Variants in R3HCC1L observed in about 807,000 individuals in gnomAD.
The protein encoded by R3HCC1L is R3H domain and coiled-coil containing 1 like.
In R3HCC1L, 51 loss-of-function variants were observed where a neutral mutation model predicts 59.9. The observed-to-expected ratio is 0.85, with a 90% confidence interval of 0.68 to 1.07. The LOEUF (loss-of-function observed/expected upper bound fraction) is 1.07, where lower values mean the gene tolerates loss of function less well. R3HCC1L is among the 50% of genes least tolerant of loss of function. The pLI is 0.00. For missense variants in R3HCC1L, 965 were observed against 933.0 expected (o/e 1.03, Z -0.45); for synonymous variants, 322 against 315.2 (o/e 1.02, Z -0.23).
At chr10:98,199,781 ATATG>A (rs1564682044) in intron 4 of R3HCC1L, among the ~76,000 whole-genome samples, 1 of 152,030 alleles carries the variant, frequency 6.6e-6, no homozygotes, top group Non-Finnish European at 1.5e-5. Flanking sequence ...ACATTTTACT[ATATG>A]TATATCATTT....
At chr10:98,222,356 T>C (rs1855099602) in intron 5 of R3HCC1L, among the ~76,000 whole-genome samples, 2 of 151,960 alleles carry the variant, frequency 1.3e-5, no homozygotes, top group African/African-American at 4.8e-5. Context: ...CTTTTCCTAA[T>C]TGAATACCCT....
chr10:98,166,453 C>T (rs1386642285), intron 4 of R3HCC1L, among the ~76,000 whole-genome samples: 6 of 152,156 alleles, frequency 3.9e-5, no homozygotes, highest in Non-Finnish European at 8.8e-5. Context: ...TTTGCGTCTT[C>T]ACATGTTGAG....
chr10:98,204,127 G>A (rs1852355775), intron 4 of R3HCC1L, among the ~76,000 whole-genome samples: 1 of 152,166 alleles, frequency 6.6e-6, no homozygotes, highest in African/African-American at 2.4e-5. Context: ...GAAAATAATC[G>A]GCCCAGCACG....
chr10:98,180,950 T>C (rs1281874331), intron 4 of R3HCC1L, among the ~76,000 whole-genome samples: 2 of 152,218 alleles, frequency 1.3e-5, no homozygotes, highest in Admixed American at 1.3e-4. Context: ...TGTCTCCGCA[T>C]GTGAGTTGGG....
chr10:98,165,958 G>C (rs939106937), intron 4 of R3HCC1L, among the ~76,000 whole-genome samples: 5 of 152,186 alleles, frequency 3.3e-5, no homozygotes, highest in Admixed American at 1.3e-4. Flanking sequence ...GCTCACCTGA[G>C]GTCAGGAGTT....
intron 6 of R3HCC1L, among the ~76,000 whole-genome samples, chr10:98,233,037 A>T (rs1222136617): frequency 6.6e-6 from 1 of 152,136 alleles, no homozygotes; most frequent in East Asian, 1.9e-4. Context: ...GGTCAGTCTT[A>T]CTTACTAGAA....
At chr10:98,153,721 A>G (rs1846523856) in intron 1 of R3HCC1L, among the ~76,000 whole-genome samples, 1 of 152,092 alleles carries the variant, frequency 6.6e-6, no homozygotes, top group African/African-American at 2.4e-5. Context: ...ATAAGATACC[A>G]AATTATAAAC....
At chr10:98,166,263 A>G (rs1367083506) in intron 4 of R3HCC1L, among the ~76,000 whole-genome samples, 2 of 152,062 alleles carry the variant, frequency 1.3e-5, no homozygotes, top group East Asian at 3.8e-4. Flanking sequence ...ACCTACTGCA[A>G]CCTGGAAGAG....
In R3HCC1L at chr10:98,153,627, AAAAAG is replaced by A. The variant is rs1279353531; in HGVS notation, c.-267-2463_-267-2459del. The stretch of plus-strand genomic sequence containing the variant: ...GATCAATTAAAAAAAAAAAAAAAAA[AAAAAG>A]AAGTTTAGACACAACAGCTGACCAG... On this transcript the variant is annotated intron_variant, in intron 1 of 9. Transcript: ENST00000298999. Among the ~76,000 whole-genome samples, 515 of 151,382 alleles carry A rather than the reference AAAAAG, an allele frequency of 3.4e-3. 4 individuals are homozygous for A. Among genetic ancestry groups the A allele is most frequent in the African/African-American group, 0.011 (464 of 41,250 alleles).
chr10:98,199,720 T>C (rs1014510018), intron 4 of R3HCC1L, among the ~76,000 whole-genome samples: 3 of 151,988 alleles, frequency 2.0e-5, no homozygotes, highest in African/African-American at 7.2e-5. Flanking sequence ...AGACAAGATT[T>C]ATTAGTTATT....
intron 1 of R3HCC1L, among the ~76,000 whole-genome samples, chr10:98,141,017 G>GT (rs796619101): frequency 1.1e-3 from 161 of 148,794 alleles, no homozygotes; most frequent in African/African-American, 3.2e-3. Context: ...CATTTTTCAT[G>GT]TTTTTTTTTT....
chr10:98,197,148 C>A (rs1851522983), intron 4 of R3HCC1L, among the ~76,000 whole-genome samples: 1 of 152,082 alleles, frequency 6.6e-6, no homozygotes, highest in African/African-American at 2.4e-5. Flanking sequence ...AGAGGTTTCA[C>A]CATGTTGGCC....
intron 2 of R3HCC1L, among the ~76,000 whole-genome samples, 189 bp from the exon 3 acceptor site, chr10:98,162,694 G>C (rs202203872): frequency 1.1e-4 from 16 of 151,408 alleles, no homozygotes; most frequent in African/African-American, 2.7e-4. Context: ...GTGTGTGTGT[G>C]TCTCTGTGTG....
chr10:98,241,451 T>C (rs1857525365), intron 9 of R3HCC1L, among the ~76,000 whole-genome samples: 1 of 152,220 alleles, frequency 6.6e-6, no homozygotes, highest in Non-Finnish European at 1.5e-5. Context: ...TTGATTGATT[T>C]ATTATATTGG....
intron 5 of R3HCC1L, among the ~76,000 whole-genome samples, chr10:98,221,278 A>AT (rs1854908205): frequency 6.6e-6 from 1 of 151,654 alleles, no homozygotes; most frequent in Non-Finnish European, 1.5e-5. Flanking sequence ...TCTGGATATT[A>AT]GCCCTTTGTC....
At chr10:98,153,903 T>G (rs1027111403) in intron 1 of R3HCC1L, among the ~76,000 whole-genome samples, 2 of 152,084 alleles carry the variant, frequency 1.3e-5, no homozygotes, top group African/African-American at 4.8e-5. Flanking sequence ...TCTATTATTT[T>G]CCAAAGACAC....
intron 9 of R3HCC1L, among the ~76,000 whole-genome samples, chr10:98,236,784 T>TA (rs1857012066): frequency 6.6e-6 from 1 of 152,176 alleles, no homozygotes; most frequent in Non-Finnish European, 1.5e-5. Flanking sequence ...GAGCTGAAGT[T>TA]AAAATCTCTC....
intron 1 of R3HCC1L, among the ~76,000 whole-genome samples, chr10:98,146,484 C>T (rs912538946): frequency 1.3e-5 from 2 of 152,154 alleles, no homozygotes; most frequent in African/African-American, 4.8e-5. Flanking sequence ...CCCTTCTTGG[C>T]TTCTGGTACC....
intron 4 of R3HCC1L, among the ~76,000 whole-genome samples, chr10:98,207,148 C>T (rs190921997): frequency 6.0e-4 from 92 of 152,272 alleles, no homozygotes; most frequent in African/African-American, 2.2e-3. Context: ...GAAATGTTAA[C>T]AGTGTGTGCA....
Sources: gnomAD v4.1 joint callset for allele counts (sites outside exome capture counted in the v4.1 genomes callset) on GRCh38, gnomAD v4.1.1 for gene constraint, MANE v1.5 for transcripts, NCBI Gene and HGNC (gene_info 2026-07-23, HGNC 2026-07-21) for gene names.